Variants in SIPA1L3 observed in about 807,000 individuals in gnomAD.
SIPA1L3 encodes the protein signal induced proliferation associated 1 like 3.
SIPA1L3 carries 59 observed loss-of-function variants against 150.1 expected under a neutral mutation model. That is an observed-to-expected ratio of 0.39 (90% CI 0.32 to 0.49). The LOEUF is 0.49. Among genes scored for constraint, SIPA1L3 ranks in the 20% least tolerant of loss-of-function variants. The pLI is 0.86. For missense variants in SIPA1L3, 2,211 were observed against 2,489.5 expected, an observed-to-expected ratio of 0.89 and a Z score of 2.38; for synonymous variants, 1,070 against 1,077.6, an observed-to-expected ratio of 0.99 and a Z score of 0.14.
At chr19:37,924,918 G>A (rs1427294830) in intron 1 of SIPA1L3, among the ~76,000 whole-genome samples, 3 of 149,490 alleles carry the variant, frequency 2.0e-5, no homozygotes, top group Non-Finnish European at 3.0e-5. Flanking sequence ...GCGACGTGGC[G>A]TGCACCTGTA....
chr19:38,057,275 A>AAT (rs150830426), intron 2 of SIPA1L3, among the ~76,000 whole-genome samples: 34,157 of 147,730 alleles, frequency 0.23, 4,930 homozygotes, highest in African/African-American at 0.41. Context: ...CTCCATCTCA[A>AAT]ATATATATAT....
At chr19:38,150,569 G>C (rs1430104555) in intron 12 of SIPA1L3, among the ~76,000 whole-genome samples, 1 of 115,718 alleles carries the variant, frequency 8.6e-6, no homozygotes, top group African/African-American at 3.2e-5. Flanking sequence ...GTCTTGTTCT[G>C]TTGTCCAGGC....
intron 20 of SIPA1L3, 129 bp from the exon 21 acceptor site, chr19:38,203,998 C>G (rs1468522681): frequency 1.4e-6 from 1 of 692,668 alleles, no homozygotes; most frequent in Non-Finnish European, 2.4e-6. Flanking sequence ...CCCCTCAGAG[C>G]TTCTCCTCAG....
intron 1 of SIPA1L3, among the ~76,000 whole-genome samples, chr19:37,911,368 G>A (rs953273171): frequency 6.6e-6 from 1 of 151,950 alleles, no homozygotes; most frequent in African/African-American, 2.4e-5. Context: ...TCAATTAATG[G>A]CTGGGCATGT....
intron 7 of SIPA1L3, 152 bp from the exon 8 acceptor site, chr19:38,110,075 A>G: frequency 1.4e-6 from 1 of 690,884 alleles, no homozygotes; most frequent in Non-Finnish European, 2.5e-6. Context: ...AACCACAGGA[A>G]GGTTTGTCAC....
At chr19:38,052,067 A>G (rs902446590) in intron 2 of SIPA1L3, among the ~76,000 whole-genome samples, 1 of 152,206 alleles carries the variant, frequency 6.6e-6, no homozygotes, top group Non-Finnish European at 1.5e-5. Flanking sequence ...CGAACATTGT[A>G]TCATTTCATT....
chr19:38,121,302 G>C (rs754670089), intron 9 of SIPA1L3, among the ~76,000 whole-genome samples: 12 of 152,016 alleles, frequency 7.9e-5, no homozygotes, highest in Non-Finnish European at 8.8e-5. Context: ...GCCAGGCATG[G>C]TGGTGGGCGC....
intron 18 of SIPA1L3, among the ~76,000 whole-genome samples, chr19:38,194,308 G>A (rs146781739): frequency 3.5e-4 from 53 of 152,126 alleles, no homozygotes; most frequent in Non-Finnish European, 4.4e-4. Context: ...CAAAAGCCAC[G>A]AGCCAGCTGG....
chr19:38,082,544 C>A lies in SIPA1L3; in HGVS notation c.979C>A (p.Pro327Thr). 6.2e-7 allele frequency: 1 copy of A among 1,600,722 alleles called. No individual in the cohort carries two copies. The highest frequency in any genetic ancestry group is 8.5e-7 in the Non-Finnish European group (1 of 1,174,990). ...SPGEADEGRS[P>T]PEASRPWVCQ... The stretch of plus-strand genomic sequence containing the variant: ...GGGGGAGGCCGACGAGGGCCGGAGC[C>A]CCCCGGAAGCCAGCAGGCCGTGGGT... Residue 327 changes from proline to threonine, a missense_variant, in exon 3 of 22, where the codon CCC becomes ACC. Pro to Thr is a conservative substitution (Grantham distance 38). Coordinates refer to ENST00000222345, the MANE Select transcript of SIPA1L3 (RefSeq NM_015073.3).
chr19:37,950,534 C>T (rs542223149), intron 1 of SIPA1L3, among the ~76,000 whole-genome samples: 1 of 152,190 alleles, frequency 6.6e-6, no homozygotes, highest in South Asian at 2.1e-4. Context: ...AGATTTGGGG[C>T]GACTGGAAAT....
chr19:38,188,979 T>TC (rs1972749560), intron 16 of SIPA1L3, among the ~76,000 whole-genome samples: 1 of 151,374 alleles, frequency 6.6e-6, no homozygotes, highest in African/African-American at 2.4e-5. Context: ...TCCTGCTCCC[T>TC]CCCCAAAAGC....
intron 6 of SIPA1L3, among the ~76,000 whole-genome samples, chr19:38,105,989 C>A (rs999916282): frequency 1.3e-5 from 2 of 152,218 alleles, no homozygotes; most frequent in African/African-American, 4.8e-5. Flanking sequence ...TAACCAGCCA[C>A]CTCAAGGGTT....
intron 12 of SIPA1L3, among the ~76,000 whole-genome samples, chr19:38,150,483 G>T (rs935853176): frequency 6.7e-5 from 10 of 150,268 alleles, no homozygotes; most frequent in Admixed American, 1.3e-4. Flanking sequence ...CTCCCAAGTT[G>T]AAAATACAGA....
chr19:38,169,071 G>A (rs1010091979), intron 15 of SIPA1L3, among the ~76,000 whole-genome samples: 2 of 152,116 alleles, frequency 1.3e-5, no homozygotes, highest in Non-Finnish European at 2.9e-5. Flanking sequence ...AAGTTAAGGA[G>A]AAAATAAAAT....
intron 8 of SIPA1L3, among the ~76,000 whole-genome samples, chr19:38,111,202 AT>A (rs982753101): frequency 7.6e-4 from 114 of 150,724 alleles, no homozygotes; most frequent in African/African-American, 2.6e-3. Flanking sequence ...TTAAAAAAAA[AT>A]TTTTTTTTAG....
intron 1 of SIPA1L3, among the ~76,000 whole-genome samples, chr19:37,928,430 G>C (rs960758235): frequency 2.0e-5 from 3 of 152,138 alleles, no homozygotes; most frequent in African/African-American, 7.2e-5. Flanking sequence ...AATTAGCCGG[G>C]TGTGGTGGCA....
At chr19:37,992,060 T>TTCTCGTGGGAGGCAGTGTCA (rs1555774799) in intron 1 of SIPA1L3, among the ~76,000 whole-genome samples, 1 of 151,918 alleles carries the variant, frequency 6.6e-6, no homozygotes, top group Non-Finnish European at 1.5e-5. Flanking sequence ...CAGACAGGCA[T>TTCTCGTGGGAGGCAGTGTCA]CCACGTGGCT....
chr19:38,161,338 C>T (rs919919362), intron 13 of SIPA1L3, among the ~76,000 whole-genome samples: 1 of 123,932 alleles, frequency 8.1e-6, no homozygotes, highest in African/African-American at 3.0e-5. Flanking sequence ...AAGACTCCGT[C>T]TCAAAAAAAA....
chr19:38,179,584 C>T (rs1972514463), intron 15 of SIPA1L3, among the ~76,000 whole-genome samples: 1 of 152,136 alleles, frequency 6.6e-6, no homozygotes, highest in Admixed American at 6.6e-5. Flanking sequence ...TAAAACTTTT[C>T]TCCAATATTG....
Sources: allele counts gnomAD v4.1 joint callset (sites outside exome capture counted in the v4.1 genomes callset), GRCh38; gene constraint gnomAD v4.1.1; transcripts MANE v1.5; gene names NCBI Gene and HGNC (gene_info 2026-07-23, HGNC 2026-07-21).